The following AP3D1 variants were observed in gnomAD, a reference collection of about 807,000 sequenced individuals.
AP3D1 encodes the protein AP-3 complex subunit delta-1.
AP3D1 carries 51 observed loss-of-function variants against 147.6 expected under a neutral mutation model. The observed-to-expected ratio is 0.35, with a 90% CI of 0.28 to 0.44. The LOEUF (loss-of-function observed/expected upper bound fraction) is 0.44. AP3D1 is among the 20% of genes least tolerant of loss of function. AP3D1 has a pLI of 1.00. For synonymous variants in AP3D1, 760 were observed against 663.0 expected (o/e 1.15, Z -2.25); for missense variants, 1,421 against 1,624.2 (o/e 0.87, Z 2.15).
In AP3D1 at chr19:2,161,228, C is replaced by G. The variant is rs560721098; in HGVS notation, c.-103+3128G>C. Among the ~76,000 whole-genome samples, 21 of 143,016 alleles carry G rather than the reference C, an allele frequency of 1.5e-4. No homozygotes were observed. The East Asian group carries it at 4.0e-3, about 27-fold the overall frequency. 93.8% of individuals were successfully genotyped at this position (143,016 alleles called of 152,430 possible). On this transcript the variant is annotated intron_variant, in intron 1 of 14. Coordinates refer to the AP3D1 transcript ENST00000643010. The stretch of plus-strand genomic sequence containing the variant: ...TCAGGCTGGAGTGCAGTGGCACAAT[C>G]TCTGCTCACTGCCACCTCCGCCTCC...
At chr19:2,145,923 A>G (rs531965001) in intron 1 of AP3D1, among the ~76,000 whole-genome samples, 1 of 152,350 alleles carries the variant, frequency 6.6e-6, no homozygotes, top group African/African-American at 2.4e-5. Flanking sequence ...TAAGCAGGGC[A>G]GCTGACACTA....
intron 14 of AP3D1, among the ~76,000 whole-genome samples, chr19:2,119,750 A>G (rs1430915111): frequency 6.6e-6 from 1 of 150,814 alleles, no homozygotes; most frequent in African/African-American, 2.4e-5. Context: ...CCTGGCCAAC[A>G]TGGTGAAACC....
chr19:2,162,809 T>A (rs1333546989), intron 1 of AP3D1, among the ~76,000 whole-genome samples: 1 of 151,918 alleles, frequency 6.6e-6, no homozygotes, highest in Non-Finnish European at 1.5e-5. Context: ...GGAGGTCAAG[T>A]GACTCTCCCA....
intron 17 of AP3D1, 148 bp from the exon 18 acceptor site, chr19:2,116,426 A>C: frequency 1.6e-6 from 2 of 1,219,458 alleles, no homozygotes; most frequent in East Asian, 2.6e-5. Flanking sequence ...CAAGGCCCGC[A>C]ATTGGGAAGA....
intron 4 of AP3D1, among the ~76,000 whole-genome samples, chr19:2,133,200 C>T (rs2018994586): frequency 6.6e-6 from 1 of 152,160 alleles, no homozygotes; most frequent in African/African-American, 2.4e-5. Flanking sequence ...TTTGGGGTCC[C>T]TTTCCGCAAC....
chr19:2,150,743 C>T (rs2019484923), intron 1 of AP3D1, among the ~76,000 whole-genome samples: 1 of 152,238 alleles, frequency 6.6e-6, no homozygotes, highest in African/African-American at 2.4e-5. Context: ...GACCCCCTGC[C>T]TCGGTCTCCC....
intron 29 of AP3D1, 56 bp downstream of exon 29, chr19:2,109,817 G>T: frequency 6.5e-7 from 1 of 1,533,426 alleles, no homozygotes; most frequent in Non-Finnish European, 9.0e-7. Flanking sequence ...GTGTCTGCAA[G>T]GTAGAGGGGA....
upstream of AP3D1, among the ~76,000 whole-genome samples, chr19:2,156,212 G>T (rs2019644290): frequency 6.6e-6 from 1 of 152,170 alleles, no homozygotes; most frequent in African/African-American, 2.4e-5. Flanking sequence ...TCTCTGGAAA[G>T]ATCCTGGCCT....
At position 2,109,855 on chromosome 19, in the gene AP3D1, A is replaced by C; in HGVS notation, c.3350+18T>G. On this transcript the variant is annotated intron_variant, in intron 29 of 31. Coordinates refer to ENST00000643116, the MANE Select transcript of AP3D1 (RefSeq NM_001261826.3). ...CGGAGGGGGTTCGGGGACATAGGGG[A>C]GTGGGCCTGGGCCCCACCTGTAGCA... 1 of 1,609,850 alleles carries C rather than the reference A, an allele frequency of 6.2e-7. No individual in the cohort carries two copies. Among genetic ancestry groups the C allele is most frequent in the Non-Finnish European group, 8.5e-7 (1 of 1,176,976 alleles).
At chr19:2,114,856 C>A (rs763179295) in intron 20 of AP3D1, 35 bp from the exon 21 acceptor site, 1 of 1,609,802 alleles carries the variant, frequency 6.2e-7, no homozygotes, top group Non-Finnish European at 8.5e-7. Flanking sequence ...CACTGGAACC[C>A]GCCCTTGTGG....
upstream of AP3D1, among the ~76,000 whole-genome samples, chr19:2,154,040 T>C (rs557213591): frequency 1.2e-4 from 18 of 150,792 alleles, no homozygotes; most frequent in African/African-American, 4.1e-4. Context: ...CTCTGCCTCC[T>C]GGGTTCAAGC....
Position 2,110,811 on chromosome 19 carries a change from T to G in AP3D1, c.3071A>C (p.Lys1024Thr), listed in dbSNP as rs746761305. ...VLENRSSSIL[K>T]GMELSVLDSL... ...GTCCAGCACGCTGAGCTCCATGCCC[T>G]TGAGGATGCTGCTGCTCCTGTTCTC... The change falls in exon 27 of 32, where the codon AAG becomes ACG. Residue 1024 changes from lysine (K) to threonine (T), a missense_variant. By Grantham distance (78) the Lys-to-Thr change is moderately conservative. Around this residue, in one of 6 missense-constraint regions of AP3D1, gnomAD observed 791 missense variants for 761.4 expected, o/e 1.04. Transcript: ENST00000643116. 1 of 1,613,670 alleles carries G rather than the reference T, an allele frequency of 6.2e-7. No homozygotes were observed. The highest frequency in any genetic ancestry group is 1.7e-5 in the Admixed American group (1 of 60,014).
chr19:2,132,525 G>A lies in AP3D1; in HGVS notation c.408C>T (p.Ser136=), dbSNP rs375808472. ...YDTGVALTGL[S]CFVTPDLARD... ...TGGCAAGGTCTGGGGTGACGAAGCA[G>A]GACAGACCCGTCAGTGCAACACCTG... Residue 136 remains serine (S), a synonymous_variant, in exon 5 of 32, where the codon TCC becomes TCT. Coordinates refer to ENST00000643116, the MANE Select transcript of AP3D1 (RefSeq NM_001261826.3). 12 of 1,611,884 alleles carry A rather than the reference G, an allele frequency of 7.4e-6. No individual in the cohort carries two copies. In the South Asian group the frequency reaches 1.1e-4, roughly 15 times the overall value.
At chr19:2,136,046 C>A (rs1239379563) in intron 4 of AP3D1, among the ~76,000 whole-genome samples, 1 of 151,952 alleles carries the variant, frequency 6.6e-6, no homozygotes, top group Non-Finnish European at 1.5e-5. Context: ...CGCCCAGGCC[C>A]CTCCCGCTAC....
At chr19:2,120,500 G>C (rs920865346) in intron 14 of AP3D1, among the ~76,000 whole-genome samples, 1 of 152,208 alleles carries the variant, frequency 6.6e-6, no homozygotes, top group Non-Finnish European at 1.5e-5. Flanking sequence ...GCTCAGAAGG[G>C]CTGCCACGCG....
intron 12 of AP3D1, among the ~76,000 whole-genome samples, 189 bp downstream of exon 12, chr19:2,121,545 G>A (rs919857914): frequency 6.6e-6 from 1 of 152,128 alleles, no homozygotes; most frequent in Non-Finnish European, 1.5e-5. Context: ...GCTCGGCCCC[G>A]CCCCCTCCAC....
At chr19:2,134,179 C>T (rs951804396) in intron 4 of AP3D1, among the ~76,000 whole-genome samples, 4 of 151,902 alleles carry the variant, frequency 2.6e-5, no homozygotes, top group East Asian at 1.9e-4. Context: ...TTTGGAAGGC[C>T]GAAGCAGGAG....
At chr19:2,155,470 G>A (rs781365055), upstream of AP3D1, among the ~76,000 whole-genome samples, 1 of 144,982 alleles carries the variant, frequency 6.9e-6, no homozygotes, top group Non-Finnish European at 1.5e-5. Flanking sequence ...GGAGGTGGAG[G>A]TTGCAGTGAG....
At position 2,118,841 on chromosome 19, in the gene AP3D1, A is replaced by G; in HGVS notation, c.1482-9T>C. 2 of 1,610,054 alleles carry G rather than the reference A, an allele frequency of 1.2e-6. No individual in the cohort carries two copies. Among genetic ancestry groups the G allele is most frequent in the East Asian group, 2.2e-5 (1 of 44,766 alleles). ...GTGGTTCCTGCAGATGCCTGAGGAC[A>G]GGAAACACTGTGAGCCCCCAGGATG... On this transcript the variant is annotated splice_polypyrimidine_tract_variant and intron_variant, in intron 14 of 31. Coordinates refer to ENST00000643116, the MANE Select transcript of AP3D1 (RefSeq NM_001261826.3).
Sources: gnomAD v4.1 joint callset for allele counts (sites outside exome capture counted in the v4.1 genomes callset) on GRCh38, gnomAD v4.1.1 for gene constraint, gnomAD v4.1.1 regional missense constraint, MANE v1.5 for transcripts, NCBI Gene and HGNC (gene_info 2026-07-23, HGNC 2026-07-21) for gene names.